Variants in RDX observed in about 807,000 individuals in gnomAD.
RDX encodes deafness, autosomal recessive 24.
RDX carries 32 observed loss-of-function variants against 83.7 expected under a neutral mutation model. That is an observed-to-expected ratio of 0.38 (90% CI 0.29 to 0.51). The LOEUF (loss-of-function observed/expected upper bound fraction) is 0.51. RDX is among the 20% of genes least tolerant of loss of function. The pLI, the probability that RDX is intolerant of heterozygous loss-of-function variation, is 0.87. For missense variants in RDX, 600 were observed against 689.9 expected (o/e 0.87, Z 1.46); for synonymous variants, 229 against 222.7 (o/e 1.03, Z -0.25).
chr11:110,289,099 G>T (rs113980277), intron 1 of RDX, among the ~76,000 whole-genome samples: 2 of 151,990 alleles, frequency 1.3e-5, no homozygotes, highest in South Asian at 4.1e-4. Context: ...TTAGCCGAGC[G>T]TGGTGGCGCA....
At chr11:110,255,430 G>A (rs748991843) in intron 7 of RDX, 45 bp from the exon 8 acceptor site, 1 of 1,029,698 alleles carries the variant, frequency 9.7e-7, no homozygotes, top group Non-Finnish European at 1.5e-6. Context: ...AGGAAACAAT[G>A]AATAAAATTC....
intron 14 of RDX, among the ~76,000 whole-genome samples, chr11:110,220,317 AT>A (rs1864199901): frequency 6.6e-6 from 1 of 152,208 alleles, no homozygotes; most frequent in Non-Finnish European, 1.5e-5. Context: ...TAAACAAAGT[AT>A]TTCATGTTTA....
chr11:110,245,657 T>TGAG (rs1304897830), intron 10 of RDX, among the ~76,000 whole-genome samples: 4 of 152,176 alleles, frequency 2.6e-5, no homozygotes, highest in African/African-American at 4.8e-5. Flanking sequence ...TTTCATAACA[T>TGAG]TATCATGTTT....
rs555865847 is a variant in RDX at position 110,266,090 on chromosome 11, C to T, written c.97-1216G>A. Reference sequence around the variant, plus strand: ...CTGTAATCCCAGCACTTTGGGAGGCCGAGGCGGGCGGATCACAAAGTCAGG... The same window carrying T: ...CTGTAATCCCAGCACTTTGGGAGGCTGAGGCGGGCGGATCACAAAGTCAGG... On this transcript the variant is annotated intron_variant, in intron 3 of 13. Transcript: ENST00000645495. Among the ~76,000 whole-genome samples, 56 of 151,532 alleles carry T rather than the reference C, an allele frequency of 3.7e-4. No individual in the cohort carries two copies. The South Asian group carries it at 0.011, about 30-fold the overall frequency.
intron 3 of RDX, among the ~76,000 whole-genome samples, chr11:110,270,212 C>CAT (rs34335818): frequency 0.42 from 63,692 of 151,448 alleles, 13,470 homozygotes; most frequent in East Asian, 0.51. Context: ...GTATGAACAT[C>CAT]AGAGTATACT....
At chr11:110,268,991 T>C (rs1367120372) in intron 3 of RDX, among the ~76,000 whole-genome samples, 1 of 149,946 alleles carries the variant, frequency 6.7e-6, no homozygotes, top group African/African-American at 2.4e-5. Context: ...ATTTTTTTAA[T>C]TAATTTATTT....
At chr11:110,271,475 T>G (rs1363133108) in intron 3 of RDX, among the ~76,000 whole-genome samples, 2 of 152,200 alleles carry the variant, frequency 1.3e-5, no homozygotes, top group Non-Finnish European at 2.9e-5. Context: ...TGCAACAGTT[T>G]CTTCATGTTC....
At chr11:110,216,938 A>ATAGCAACACAGGGCC (rs1864075648) in intron 14 of RDX, among the ~76,000 whole-genome samples, 1 of 152,214 alleles carries the variant, frequency 6.6e-6, no homozygotes, top group Non-Finnish European at 1.5e-5. Context: ...ATCACAAGGT[A>ATAGCAACACAGGGCC]TAGCAACACA....
At chr11:110,183,433 T>G (rs193043193) in intron 15 of RDX, among the ~76,000 whole-genome samples, 100 of 152,260 alleles carry the variant, frequency 6.6e-4, no homozygotes, top group Admixed American at 1.2e-3. Flanking sequence ...GCTCAAGTGA[T>G]CCTCCCACCT....
intron 10 of RDX, among the ~76,000 whole-genome samples, chr11:110,241,224 C>T (rs1351782986): frequency 2.6e-5 from 4 of 152,146 alleles, no homozygotes; most frequent in Non-Finnish European, 5.9e-5. Flanking sequence ...CGATATTCTA[C>T]GATTACTCAT....
intron 9 of RDX, among the ~76,000 whole-genome samples, chr11:110,253,044 A>G (rs1181831667): frequency 1.3e-5 from 2 of 152,262 alleles, no homozygotes; most frequent in Non-Finnish European, 2.9e-5. Context: ...ATTTGAGTTA[A>G]TATGACAAAA....
chr11:110,287,683 T>G (rs190875415), intron 1 of RDX, among the ~76,000 whole-genome samples: 1 of 152,272 alleles, frequency 6.6e-6, no homozygotes, highest in East Asian at 1.9e-4. Context: ...AGAAGGGTAG[T>G]GAATACAGGG....
At chr11:110,196,262 T>C (rs367746541) in intron 15 of RDX, 3 of 152,248 alleles carry the variant, frequency 2.0e-5, no homozygotes, top group East Asian at 1.9e-4. Context: ...TGAAAAGGCA[T>C]GACCCTGAAT....
Position 110,264,199 on chromosome 11 carries a change from T to C in RDX, c.228A>G (p.Leu76=). 6.2e-7 allele frequency: 1 copy of C among 1,609,088 alleles called. No homozygotes were observed. Among genetic ancestry groups the C allele is most frequent in the Non-Finnish European group, 8.5e-7 (1 of 1,177,234 alleles). The change falls in exon 5 of 14, where the codon TTA becomes TTG. Residue 76 remains leucine, a synonymous_variant. Transcript: ENST00000645495. ...TQQDVKKENP[L]QFKFRAKFFP... ...AGAATTTAGCTCTAAACTTGAACTG[T>C]AAAGGATTCTCTTTTTTAACATCCT...
intron 15 of RDX, among the ~76,000 whole-genome samples, chr11:110,191,515 G>A (rs536750107): frequency 6.6e-6 from 1 of 152,304 alleles, no homozygotes; most frequent in South Asian, 2.1e-4. Flanking sequence ...AGACAAGGAT[G>A]CCCACTCTTA....
chr11:110,284,859 A>G (rs557105551), intron 1 of RDX, among the ~76,000 whole-genome samples: 14 of 152,300 alleles, frequency 9.2e-5, no homozygotes, highest in African/African-American at 3.4e-4. Flanking sequence ...CTGAATACAC[A>G]GAAAGTTAGT....
rs776953980 is a variant in RDX, at chr11:110,255,388, T to TA, written c.699-4dup. The TA allele has an allele frequency of 4.8e-6, 7 of 1,452,108 alleles. No individual in the cohort carries two copies. The highest frequency in any genetic ancestry group is 6.8e-6 in the Non-Finnish European group (7 of 1,033,252). 90.0% of individuals were successfully genotyped at this position (1,452,108 alleles called of 1,614,324 possible). A position where few individuals can be genotyped will look rare whatever the true frequency, so the allele number is the denominator to read the frequency against. On this transcript the variant is annotated splice_polypyrimidine_tract_variant and splice_region_variant and intron_variant, in intron 7 of 13. Transcript: ENST00000645495. ...GAAAACCAATTTTAGGTGTTAACCT[T>TA]AAAAAATGAAAGCATCTCCTTAATT...
chr11:110,234,978 A>T (rs966181945), intron 12 of RDX, among the ~76,000 whole-genome samples: 3 of 151,924 alleles, frequency 2.0e-5, no homozygotes, highest in African/African-American at 4.8e-5. Context: ...ATATTCCCCC[A>T]CTCTCCAACC....
chr11:110,265,657 A>G (rs1444737801), intron 3 of RDX, among the ~76,000 whole-genome samples: 2 of 152,156 alleles, frequency 1.3e-5, no homozygotes, highest in Non-Finnish European at 2.9e-5. Flanking sequence ...GCAAGAAACC[A>G]TTCTTAGAAC....
Sources: gnomAD v4.1 joint callset for allele counts (sites outside exome capture counted in the v4.1 genomes callset) on GRCh38, gnomAD v4.1.1 for gene constraint, MANE v1.5 for transcripts, NCBI Gene and HGNC (gene_info 2026-07-23, HGNC 2026-07-21) for gene names.